Variants in DTNB observed in about 807,000 individuals in gnomAD.
DTNB encodes dystrobrevin beta.
A neutral mutation model predicts 90.7 loss-of-function variants in DTNB; 63 were observed. The observed-to-expected ratio is 0.69, with a 90% CI of 0.57 to 0.86. The LOEUF (loss-of-function observed/expected upper bound fraction) is 0.86, where lower values mean the gene tolerates loss of function less well. Among genes scored for constraint, DTNB ranks in the 40% least tolerant of loss-of-function variants. The pLI is 0.00. For missense variants in DTNB, 744 were observed against 807.1 expected (o/e 0.92, Z 0.95); for synonymous variants, 277 against 286.7 (o/e 0.97, Z 0.34).
intron 2 of DTNB, among the ~76,000 whole-genome samples, chr2:25,642,276 G>A (rs2078503302): frequency 6.6e-6 from 1 of 152,186 alleles, no homozygotes; most frequent in African/African-American, 2.4e-5. Context: ...TCCAATCACA[G>A]TGAAGATCAT....
At chr2:25,520,544 G>C (rs1286573592) in intron 9 of DTNB, among the ~76,000 whole-genome samples, 1 of 152,188 alleles carries the variant, frequency 6.6e-6, no homozygotes, top group African/African-American at 2.4e-5. Flanking sequence ...AGTTAGACTT[G>C]TTCTTTCACA....
chr2:25,501,457 G>A (rs1369834453), intron 9 of DTNB, among the ~76,000 whole-genome samples: 2 of 152,086 alleles, frequency 1.3e-5, no homozygotes, highest in African/African-American at 2.4e-5. Context: ...TCAGCTCACC[G>A]CAATCTCCAC....
At chr2:25,606,583 G>A (rs1045684229) in intron 5 of DTNB, among the ~76,000 whole-genome samples, 2 of 152,114 alleles carry the variant, frequency 1.3e-5, no homozygotes, top group African/African-American at 4.8e-5. Flanking sequence ...GCATATCTTA[G>A]GGAGTTAATA....
intron 14 of DTNB, among the ~76,000 whole-genome samples, chr2:25,432,454 A>C (rs957531167): frequency 6.6e-6 from 1 of 152,230 alleles, no homozygotes; most frequent in Non-Finnish European, 1.5e-5. Context: ...AGATGCGCAC[A>C]GGAAGCATCC....
At chr2:25,420,504 ATCTATCTATCTATCTATCTG>A (rs1469813225) in intron 15 of DTNB, among the ~76,000 whole-genome samples, 1 of 146,188 alleles carries the variant, frequency 6.8e-6, no homozygotes, top group Non-Finnish European at 1.5e-5. Context: ...CTATCTATCT[ATCTATCTATCTATCTATCTG>A]TCTGTCTATC....
intron 13 of DTNB, 65 bp downstream of exon 13, chr2:25,433,845 T>C: frequency 6.4e-7 from 1 of 1,568,870 alleles, no homozygotes; most frequent in Non-Finnish European, 8.7e-7. Context: ...CCAAGGAAAA[T>C]GAGAATCAGA....
At chr2:25,670,349 AG>A (rs1423266712) in intron 1 of DTNB, among the ~76,000 whole-genome samples, 21 of 152,304 alleles carry the variant, frequency 1.4e-4, no homozygotes, top group African/African-American at 5.1e-4. Context: ...GAGTAGGTCA[AG>A]GGGGCCTTTA....
At chr2:25,402,857 A>G (rs1353025761) in intron 16 of DTNB, among the ~76,000 whole-genome samples, 1 of 152,238 alleles carries the variant, frequency 6.6e-6, no homozygotes, top group Non-Finnish European at 1.5e-5. Flanking sequence ...GTTACACTAA[A>G]TTATATAGAA....
At chr2:25,558,993 T>A (rs2057822216) in intron 8 of DTNB, among the ~76,000 whole-genome samples, 1 of 151,924 alleles carries the variant, frequency 6.6e-6, no homozygotes, top group African/African-American at 2.4e-5. Flanking sequence ...TCAACAAGAG[T>A]AAAAAGATGA....
chr2:25,514,121 G>A (rs1247578053), intron 9 of DTNB, among the ~76,000 whole-genome samples: 1 of 152,116 alleles, frequency 6.6e-6, no homozygotes, highest in East Asian at 1.9e-4. Flanking sequence ...TGCAGAAACT[G>A]AAACAAGGTA....
chr2:25,651,787 T>C (rs1167543639), intron 2 of DTNB, among the ~76,000 whole-genome samples: 1 of 152,172 alleles, frequency 6.6e-6, no homozygotes, highest in Non-Finnish European at 1.5e-5. Context: ...TCAGAGGCTA[T>C]CCCAGGCTGG....
chr2:25,556,413 T>C (rs1476246234), intron 8 of DTNB, among the ~76,000 whole-genome samples: 1 of 152,186 alleles, frequency 6.6e-6, no homozygotes, highest in Non-Finnish European at 1.5e-5. Context: ...CTGAATATTA[T>C]CAATCTCCTA....
intron 1 of DTNB, among the ~76,000 whole-genome samples, chr2:25,666,222 C>T (rs1202234286): frequency 2.0e-5 from 3 of 152,106 alleles, no homozygotes; most frequent in Non-Finnish European, 4.4e-5. Flanking sequence ...ACATCTGTTT[C>T]TCTCAGTTAC....
chr2:25,672,734 T>TG, intron 1 of DTNB: 1 of 152,162 alleles, frequency 6.6e-6, no homozygotes. Context: ...AACATGACGG[T>TG]GTTCCATACT....
intron 3 of DTNB, among the ~76,000 whole-genome samples, chr2:25,631,222 A>T (rs2075672198): frequency 6.6e-6 from 1 of 152,198 alleles, no homozygotes; most frequent in Admixed American, 6.5e-5. Flanking sequence ...AATTTTATGT[A>T]ATTTTTAATG....
At chr2:25,538,169 G>T (rs959064968) in intron 8 of DTNB, among the ~76,000 whole-genome samples, 1 of 152,042 alleles carries the variant, frequency 6.6e-6, no homozygotes, top group African/African-American at 2.4e-5. Context: ...GATCACTTGA[G>T]GCCAGGAGTT....
chr2:25,392,442 G>A (rs1459350015), intron 16 of DTNB, among the ~76,000 whole-genome samples: 1 of 152,098 alleles, frequency 6.6e-6, no homozygotes, highest in Non-Finnish European at 1.5e-5. Context: ...GAATGAGTGA[G>A]TGAATGAAAC....
At chr2:25,379,741 C>A (rs1044480292) in intron 19 of DTNB, 6 of 171,058 alleles carry the variant, frequency 3.5e-5, no homozygotes, top group African/African-American at 1.2e-4. Flanking sequence ...GGCTCGAGCA[C>A]TGCCTGGCCC....
intron 10 of DTNB, among the ~76,000 whole-genome samples, chr2:25,457,866 A>G (rs943595621): frequency 1.8e-4 from 28 of 151,724 alleles, no homozygotes; most frequent in Non-Finnish European, 3.4e-4. Context: ...ACAGAGTATT[A>G]CTCTGTCACC....
Sources: allele counts gnomAD v4.1 joint callset (sites outside exome capture counted in the v4.1 genomes callset), GRCh38; gene constraint gnomAD v4.1.1; transcripts MANE v1.5; gene names NCBI Gene and HGNC (gene_info 2026-07-23, HGNC 2026-07-21).